The following CXorf58 variants were observed in gnomAD, a reference collection of about 807,000 sequenced individuals.
CXorf58 encodes uncharacterized protein CXorf58.
CXorf58 carries 24 observed loss-of-function variants against 26.0 expected under a neutral mutation model. The observed-to-expected ratio is 0.92, with a 90% CI of 0.67 to 1.30. CXorf58 has a LOEUF of 1.30. CXorf58 is among the 50% of genes most tolerant of loss of function. The pLI, the probability that CXorf58 is intolerant of heterozygous loss-of-function variation, is 0.00. For missense variants in CXorf58, 236 were observed against 263.9 expected, an observed-to-expected ratio of 0.89 and a Z score of 0.73; for synonymous variants, 87 against 86.1, an observed-to-expected ratio of 1.01 and a Z score of -0.06.
chrX:23,924,817 TA>T lies in CXorf58; in HGVS notation c.424-2415del, dbSNP rs752658855. On this transcript the variant is annotated intron_variant, in intron 5 of 8. Transcript: ENST00000379211. ...TACCCTAAAACTTAAAGTGTAATAA[TA>T]AAAAAAGGGAAATATTTATGGTTAT... Among the ~76,000 whole-genome samples the T allele has an allele frequency of 4.0e-3, 445 of 110,848 alleles. 3 individuals are homozygous for T. Among genetic ancestry groups the T allele is most frequent in the Non-Finnish European group, 6.5e-3 (342 of 52,982 alleles).
At chrX:23,908,815 C>T (rs1569249833) in intron 1 of CXorf58, among the ~76,000 whole-genome samples, 1 of 112,281 alleles carries the variant, frequency 8.9e-6, no homozygotes, top group Non-Finnish European at 1.9e-5. Context: ...AGGGGCACAC[C>T]TGTAGTTGAA....
chrX:23,934,444 C>T (rs749829332), intron 6 of CXorf58, among the ~76,000 whole-genome samples: 97 of 111,212 alleles, frequency 8.7e-4, no homozygotes, highest in Non-Finnish European at 1.2e-3. Context: ...TCTGTTGCCC[C>T]GGCTGGAGTG....
chrX:23,908,899 A>T (rs1372869141), intron 1 of CXorf58, among the ~76,000 whole-genome samples: 2 of 111,784 alleles, frequency 1.8e-5, no homozygotes, highest in Non-Finnish European at 3.8e-5. Context: ...TAAAAGAGTT[A>T]GATTTATTAT....
At chrX:23,919,923 T>A (rs1239957411) in intron 5 of CXorf58, among the ~76,000 whole-genome samples, 1 of 113,252 alleles carries the variant, frequency 8.8e-6, no homozygotes, top group Non-Finnish European at 1.9e-5. Context: ...ACTGCCTTGT[T>A]GTTCTTGGCT....
intron 6 of CXorf58, among the ~76,000 whole-genome samples, chrX:23,932,367 C>T (rs186421912): frequency 3.8e-4 from 43 of 111,896 alleles, no homozygotes; most frequent in African/African-American, 1.2e-3. Context: ...AGATCTGCAA[C>T]GTCTTGAATG....
At position 23,930,035 on chromosome X, in the gene CXorf58, A is replaced by G. The variant is rs764641404; in HGVS notation, c.555+2665A>G. On this transcript the variant is annotated intron_variant, in intron 6 of 8. Coordinates refer to ENST00000379211, the MANE Select transcript of CXorf58 (RefSeq NM_152761.3). ...ACACCGTGAAACCCCGTCTCTACTA[A>G]AAAATACAAAAATTAGCCGGGCGTG... Among the ~76,000 whole-genome samples the G allele has an allele frequency of 7.1e-4, 76 of 107,706 alleles. 1 individual carries two copies. The highest frequency in any genetic ancestry group is 2.5e-3 in the African/African-American group (74 of 29,571). The allele number at this position is 107,706 out of a possible 115,157, so 93.5% of individuals were successfully genotyped here. A position where few individuals can be genotyped will look rare whatever the true frequency, so the allele number is the denominator to read the frequency against.
chrX:23,928,262 C>T (rs1352992698), intron 6 of CXorf58, among the ~76,000 whole-genome samples: 1 of 110,268 alleles, frequency 9.1e-6, no homozygotes, highest in Non-Finnish European at 1.9e-5. Flanking sequence ...CTCACTGCAA[C>T]CTCTGCCTCT....
intron 5 of CXorf58, 96 bp downstream of exon 5, chrX:23,916,424 A>G (rs1601959101): frequency 1.2e-5 from 6 of 513,128 alleles, no homozygotes; most frequent in Non-Finnish European, 1.9e-5. Flanking sequence ...AAGTTATTTC[A>G]CCATGAAACA....
chrX:23,931,078 G>GAT (rs1928157299), intron 6 of CXorf58, among the ~76,000 whole-genome samples: 1 of 111,993 alleles, frequency 8.9e-6, no homozygotes, highest in Non-Finnish European at 1.9e-5. Context: ...ATATCTCTGA[G>GAT]ATATGTCTGT....
intron 8 of CXorf58, 138 bp from the exon 9 acceptor site, chrX:23,939,106 A>G: frequency 2.3e-6 from 1 of 435,701 alleles, no homozygotes; most frequent in South Asian, 4.4e-5. Flanking sequence ...ACAGACATGT[A>G]TTCATGTTAT....
At chrX:23,933,260 T>G (rs987305604) in intron 6 of CXorf58, among the ~76,000 whole-genome samples, 2 of 111,109 alleles carry the variant, frequency 1.8e-5, no homozygotes, top group African/African-American at 6.6e-5. Flanking sequence ...TGCATCTGTG[T>G]GTGTGTGTTT....
At chrX:23,915,608 T>A in intron 3 of CXorf58, 92 bp from the exon 4 acceptor site, 1 of 493,278 alleles carries the variant, frequency 2.0e-6, no homozygotes, top group South Asian at 3.7e-5. Flanking sequence ...TCCAGCATAA[T>A]GTTCACTTTA....
chrX:23,930,864 C>T (rs997284634), intron 6 of CXorf58, among the ~76,000 whole-genome samples: 3 of 111,905 alleles, frequency 2.7e-5, no homozygotes, highest in African/African-American at 9.7e-5. Flanking sequence ...TAAGTTCTGG[C>T]ATTGCAGGCA....
chrX:23,927,368 CA>C lies in CXorf58; in HGVS notation c.555del (p.Gln185HisfsTer23). The C allele has an allele frequency of 8.8e-7, 1 of 1,137,174 alleles. No individual in the cohort carries two copies. Among genetic ancestry groups the C allele is most frequent in the Non-Finnish European group, 1.2e-6 (1 of 856,592 alleles). 93.7% of individuals were successfully genotyped at this position (1,137,174 alleles called of 1,213,427 possible). A position where few individuals can be genotyped will look rare whatever the true frequency, so the allele number is the denominator to read the frequency against. The part of the protein sequence containing the change: ...MDVVTMQDYV[Q>X]YRSFFDEAPA... Reference sequence around the variant, plus strand: ...TGTTGTCACCATGCAAGATTATGTACAAGTAAGGAATTTAGATTTAGAAAAA... The same window carrying C: ...TGTTGTCACCATGCAAGATTATGTACAGTAAGGAATTTAGATTTAGAAAAA... On this transcript the variant is annotated frameshift_variant and splice_region_variant, in exon 6 of 9. Transcript: ENST00000379211. LOFTEE classifies it high-confidence loss of function.
At chrX:23,924,448 A>G (rs1405543687) in intron 5 of CXorf58, among the ~76,000 whole-genome samples, 1 of 109,467 alleles carries the variant, frequency 9.1e-6, no homozygotes, top group Non-Finnish European at 1.9e-5. Flanking sequence ...CAGCCTCCCA[A>G]GTAGCTGGGA....
chrX:23,911,827 C>T lies in CXorf58; in HGVS notation c.187C>T (p.Arg63Ter), dbSNP rs1391932597. The T allele has an allele frequency of 3.3e-6, 4 of 1,199,615 alleles. No individual in the cohort carries two copies. The highest frequency in any genetic ancestry group is 4.5e-6 in the Non-Finnish European group (4 of 887,005). ...WLSHTNKMIF[R>*]LLKHAICAAE... ...ATCTCATACAAACAAAATGATATTT[C>T]GACTCCTAAAACACGCAATTTGTGC... The change falls in exon 3 of 9, where the codon CGA becomes TGA. Residue 63 changes from arginine to a stop codon, truncating the protein, a stop_gained. Coordinates refer to ENST00000379211, the MANE Select transcript of CXorf58 (RefSeq NM_152761.3). LOFTEE classifies it high-confidence loss of function.
At chrX:23,911,253 C>A (rs1927571378) in intron 2 of CXorf58, among the ~76,000 whole-genome samples, 1 of 110,851 alleles carries the variant, frequency 9.0e-6, no homozygotes, top group Non-Finnish European at 1.9e-5. Flanking sequence ...TCCGACTTGA[C>A]CTGGATGAGC....
chrX:23,926,133 T>C (rs1366862936), intron 5 of CXorf58, among the ~76,000 whole-genome samples: 3 of 110,592 alleles, frequency 2.7e-5, no homozygotes, highest in African/African-American at 9.9e-5. Context: ...AAACATACCC[T>C]TTGTGGCCAG....
At chrX:23,934,476 C>T (rs1473107374) in intron 6 of CXorf58, among the ~76,000 whole-genome samples, 1 of 111,745 alleles carries the variant, frequency 8.9e-6, no homozygotes, top group East Asian at 2.8e-4. Context: ...TCTTGGCTCA[C>T]TGCAACTGCT....
Sources: gnomAD v4.1 joint callset for allele counts (sites outside exome capture counted in the v4.1 genomes callset) on GRCh38, gnomAD v4.1.1 for gene constraint, MANE v1.5 for transcripts, NCBI Gene and HGNC (gene_info 2026-07-23, HGNC 2026-07-21) for gene names.